ADAM18: variants seen among roughly 807,000 people sequenced by gnomAD.
ADAM18 encodes the protein disintegrin and metalloproteinase domain-containing protein 18.
In ADAM18, 117 loss-of-function variants were observed where a neutral mutation model predicts 94.4. The observed-to-expected ratio is 1.24, with a 90% CI of 1.07 to 1.45. The LOEUF (loss-of-function observed/expected upper bound fraction) is 1.45, where lower values mean the gene tolerates loss of function less well. Ranked by LOEUF, ADAM18 falls within the 40% of genes most tolerant of loss-of-function variation. The probability of loss-of-function intolerance (pLI) is 0.00; values close to 1 mark genes in which losing one functional copy is unlikely to be tolerated. For synonymous variants in ADAM18, 327 were observed against 291.6 expected, an observed-to-expected ratio of 1.12 and a Z score of -1.24; for missense variants, 936 against 880.0, an observed-to-expected ratio of 1.06 and a Z score of -0.81.
chr8:39,636,319 A>T (rs1383332085), intron 7 of ADAM18, among the ~76,000 whole-genome samples: 1 of 152,124 alleles, frequency 6.6e-6, no homozygotes, highest in Non-Finnish European at 1.5e-5. Context: ...TATTAACCTG[A>T]TATTTTAATG....
intron 2 of ADAM18, among the ~76,000 whole-genome samples, chr8:39,586,755 A>ACTAC (rs566066835): frequency 2.0e-5 from 3 of 147,430 alleles, no homozygotes. Context: ...CAAACAAAAA[A>ACTAC]CTATCTATCT....
At chr8:39,681,810 A>G (rs1044100674) in intron 16 of ADAM18, among the ~76,000 whole-genome samples, 7 of 152,214 alleles carry the variant, frequency 4.6e-5, no homozygotes, top group Non-Finnish European at 8.8e-5. Context: ...CAGAAAGCTT[A>G]GCATATTGTC....
At chr8:39,594,569 A>G (rs968025685) in intron 2 of ADAM18, among the ~76,000 whole-genome samples, 1 of 151,836 alleles carries the variant, frequency 6.6e-6, no homozygotes, top group Non-Finnish European at 1.5e-5. Flanking sequence ...TTTATGAAGG[A>G]TATTTTAAAG....
At chr8:39,690,436 G>A (rs920497636) in intron 16 of ADAM18, among the ~76,000 whole-genome samples, 1 of 152,082 alleles carries the variant, frequency 6.6e-6, no homozygotes, top group African/African-American at 2.4e-5. Context: ...TAGGTGGGAG[G>A]TGCTACAGTG....
intron 14 of ADAM18, among the ~76,000 whole-genome samples, chr8:39,674,303 G>C (rs1402195861): frequency 6.6e-6 from 1 of 152,108 alleles, no homozygotes; most frequent in East Asian, 1.9e-4. Context: ...GAATCTGGGT[G>C]CTCCTGTATT....
chr8:39,665,414 C>T (rs1392915663), intron 13 of ADAM18, among the ~76,000 whole-genome samples: 1 of 152,078 alleles, frequency 6.6e-6, no homozygotes, highest in Non-Finnish European at 1.5e-5. Context: ...TATTCATAAG[C>T]ATATTTGTGC....
chr8:39,638,786 A>G (rs904128200), intron 10 of ADAM18, among the ~76,000 whole-genome samples: 58 of 152,068 alleles, frequency 3.8e-4, no homozygotes, highest in African/African-American at 1.3e-3. Context: ...CCAACTGGTC[A>G]TAATGGACAC....
At chr8:39,646,609 A>G (rs1585934455) in intron 11 of ADAM18, among the ~76,000 whole-genome samples, 1 of 152,288 alleles carries the variant, frequency 6.6e-6, no homozygotes, top group Admixed American at 6.5e-5. Flanking sequence ...GCCTTTAGCA[A>G]CTGAAAGAAT....
intron 17 of ADAM18, 113 bp from the exon 18 acceptor site, chr8:39,706,677 T>C (rs1470032059): frequency 3.7e-6 from 2 of 537,138 alleles, no homozygotes; most frequent in Non-Finnish European, 6.5e-6. Context: ...ATAATAATCT[T>C]AAGAAAAAAT....
chr8:39,628,891 T>C (rs1342339367), intron 6 of ADAM18, among the ~76,000 whole-genome samples: 1 of 152,066 alleles, frequency 6.6e-6, no homozygotes, highest in African/African-American at 2.4e-5. Context: ...TAATTATTGA[T>C]TGTGCTAACA....
intron 12 of ADAM18, among the ~76,000 whole-genome samples, chr8:39,650,679 A>G (rs935053815): frequency 6.6e-6 from 1 of 152,246 alleles, no homozygotes; most frequent in South Asian, 2.1e-4. Context: ...AAGAGCTGGA[A>G]AAGTTAATAT....
At position 39,585,139 on chromosome 8, in the gene ADAM18, AAG is replaced by A. The variant is rs1818360512; in HGVS notation, c.56-134_56-133del. 28 of 630,894 alleles carry A rather than the reference AAG, an allele frequency of 4.4e-5. No homozygotes were observed. In the South Asian group the frequency reaches 5.6e-4, roughly 13 times the overall value. 39.1% of individuals were successfully genotyped at this position (630,894 alleles called of 1,614,324 possible). On this transcript the variant is annotated intron_variant, in intron 1 of 19. Coordinates refer to ENST00000265707, the MANE Select transcript of ADAM18 (RefSeq NM_014237.3). ...TATGTAGTGAAATTTGTGGACTAGA[AAG>A]AGTGTGAGCACATGAGAGAACTTCT...
intron 7 of ADAM18, among the ~76,000 whole-genome samples, chr8:39,632,485 C>A (rs964094072): frequency 2.3e-4 from 35 of 152,032 alleles, no homozygotes; most frequent in African/African-American, 8.5e-4. Flanking sequence ...TATAGAGAAC[C>A]ATACTTGTGT....
intron 18 of ADAM18, among the ~76,000 whole-genome samples, chr8:39,711,496 C>T (rs1822397828): frequency 1.3e-5 from 2 of 151,902 alleles, no homozygotes; most frequent in South Asian, 4.1e-4. Context: ...AAAACATGGA[C>T]AGAGAACTAA....
At chr8:39,688,686 A>G (rs941735901) in intron 16 of ADAM18, among the ~76,000 whole-genome samples, 3 of 152,174 alleles carry the variant, frequency 2.0e-5, no homozygotes, top group Admixed American at 6.6e-5. Context: ...GAGTGCTGCA[A>G]TGAACATACA....
rs778877620 is a variant in ADAM18, at chr8:39,629,439, G to T, written c.588G>T (p.Leu196Phe). 1 of 1,568,958 alleles carries T rather than the reference G, an allele frequency of 6.4e-7. No homozygotes were observed. Among genetic ancestry groups the T allele is most frequent in the East Asian group, 2.3e-5 (1 of 42,662 alleles). Residue 196 changes from leucine to phenylalanine, a missense_variant and splice_region_variant, in exon 7 of 20, where the codon TTG (leucine) becomes TTT (phenylalanine). Coordinates refer to ENST00000265707, the MANE Select transcript of ADAM18 (RefSeq NM_014237.3). ...TATACATTATAGTGGAAAAAGCTTTGGTAAGTATGCTTTCAAGAGGTCTTT... is the reference window on the plus strand; with the variant it reads ...TATACATTATAGTGGAAAAAGCTTTTGTAAGTATGCTTTCAAGAGGTCTTT... ...LEIYIIVEKA[L>F]YDYMGSEMMA...
intron 2 of ADAM18, among the ~76,000 whole-genome samples, chr8:39,604,312 G>T (rs576594420): frequency 2.3e-4 from 35 of 152,184 alleles, no homozygotes; most frequent in South Asian, 1.5e-3. Context: ...TATAGAACTA[G>T]TTTTTTGTTA....
At chr8:39,663,920 T>A in intron 13 of ADAM18, 30 bp downstream of exon 13, 1 of 1,461,786 alleles carries the variant, frequency 6.8e-7, no homozygotes, top group Non-Finnish European at 9.5e-7. Flanking sequence ...TAAAAGCAAA[T>A]TGAACTGTGG....
At chr8:39,692,467 A>G in intron 16 of ADAM18, 133 bp from the exon 17 acceptor site, 1 of 435,750 alleles carries the variant, frequency 2.3e-6, no homozygotes, top group Non-Finnish European at 4.1e-6. Flanking sequence ...AATCATATTA[A>G]TATTAGTCAT....
Sources: gnomAD v4.1 joint callset for allele counts (sites outside exome capture counted in the v4.1 genomes callset) on GRCh38, gnomAD v4.1.1 for gene constraint, MANE v1.5 for transcripts, NCBI Gene and HGNC (gene_info 2026-07-23, HGNC 2026-07-21) for gene names.